The following ORAI3 variants were observed in gnomAD, a reference collection of about 807,000 sequenced individuals.
ORAI3 encodes the protein protein orai-3.
ORAI3 carries 15 observed loss-of-function variants against 17.2 expected under a neutral mutation model. The observed-to-expected ratio is 0.87, with a 90% confidence interval of 0.58 to 1.34. ORAI3 has a LOEUF of 1.34. Ranked by LOEUF, ORAI3 falls within the 40% of genes most tolerant of loss-of-function variation. The pLI, the probability that ORAI3 is intolerant of heterozygous loss-of-function variation, is 0.00. For missense variants in ORAI3, 405 were observed against 396.7 expected (o/e 1.02, Z -0.18); for synonymous variants, 178 against 172.4 (o/e 1.03, Z -0.25).
chr16:30,952,739 C>T (rs755890414), intron 1 of ORAI3, among the ~76,000 whole-genome samples: 1 of 151,998 alleles, frequency 6.6e-6, no homozygotes, highest in Non-Finnish European at 1.5e-5. Flanking sequence ...GATCTCGGCT[C>T]ACTCAAACTT....
Position 30,949,353 on chromosome 16 carries a change from G to A in ORAI3, c.64G>A (p.Ala22Thr). Residue 22 changes from alanine to threonine, a missense_variant, in exon 1 of 2, where the codon GCA becomes ACA. Transcript: ENST00000318663. The part of the protein sequence containing the change: ...APLNPEGESP[A>T]GSATYREFVH... Reference sequence around the variant, plus strand: ...GCTGAACCCTGAGGGCGAGAGCCCTGCAGGCTCGGCCACGTACCGGGAGTT... The same window carrying A: ...GCTGAACCCTGAGGGCGAGAGCCCTACAGGCTCGGCCACGTACCGGGAGTT... 1.9e-6 allele frequency: 3 copies of A among 1,550,144 alleles called. No homozygotes were observed. The highest frequency in any genetic ancestry group is 2.6e-6 in the Non-Finnish European group (3 of 1,149,510).
intron 1 of ORAI3, among the ~76,000 whole-genome samples, chr16:30,952,845 T>C (rs2055930600): frequency 6.6e-6 from 1 of 152,062 alleles, no homozygotes; most frequent in Admixed American, 6.5e-5. Context: ...TTTGTACTTT[T>C]AGTAGAGACG....
At chr16:30,950,065 G>A (rs533807139) in intron 1 of ORAI3, among the ~76,000 whole-genome samples, 20 of 152,322 alleles carry the variant, frequency 1.3e-4, no homozygotes, top group African/African-American at 4.8e-4. Context: ...GAAGGAGGCT[G>A]ATGAGGAAAC....
At chr16:30,953,068 T>A (rs1032315480) in intron 1 of ORAI3, 117 bp from the exon 2 acceptor site, 21 of 936,976 alleles carry the variant, frequency 2.2e-5, no homozygotes, top group Middle Eastern at 6.7e-4. Flanking sequence ...CTCTGGTTTC[T>A]GCCAGGCACA....
chr16:30,950,380 C>G (rs1393238072), intron 1 of ORAI3, among the ~76,000 whole-genome samples: 1 of 152,230 alleles, frequency 6.6e-6, no homozygotes, highest in Non-Finnish European at 1.5e-5. Flanking sequence ...ATGGCTCAGA[C>G]TAGCCTGCTA....
rs1459741200 is a variant in ORAI3, at chr16:30,953,283, C to T, written c.327C>T (p.His109=). The change falls in exon 2 of 2, where the codon CAC becomes CAT. Residue 109 remains histidine (H), a synonymous_variant. Coordinates refer to ENST00000318663, the MANE Select transcript of ORAI3 (RefSeq NM_152288.3). Reference sequence around the variant, plus strand: ...GCACCACCGTGCTGGTGGCTGTGCACCTCTTTGCACTCATGGTCTCCACGT... The same window carrying T: ...GCACCACCGTGCTGGTGGCTGTGCATCTCTTTGCACTCATGGTCTCCACGT... ...SACTTVLVAV[H]LFALMVSTCL... The T allele has an allele frequency of 6.2e-7, 1 of 1,614,034 alleles. No individual in the cohort carries two copies. Among genetic ancestry groups the T allele is most frequent in the African/African-American group, 1.3e-5 (1 of 75,032 alleles).
At position 30,949,498 on chromosome 16, in the gene ORAI3, TGCTCTCGG is replaced by T. The variant is rs2143413950; in HGVS notation, c.213_220del (p.Ser72ArgfsTer13). ...AAAGCTTCCAGCCGCACGTCTGCCTTGCTCTCGGGCTTCGCCATGGTGAGGGGCCGGGA... is the reference window on the plus strand; with the variant it reads ...AAAGCTTCCAGCCGCACGTCTGCCTTGCTTCGCCATGGTGAGGGGCCGGGA... On this transcript the variant is annotated frameshift_variant, in exon 1 of 2. Transcript: ENST00000318663. LOFTEE classifies it high-confidence loss of function. The T allele has an allele frequency of 6.6e-7, 1 of 1,505,262 alleles. No individual in the cohort carries two copies. The highest frequency in any genetic ancestry group is 1.4e-5 in the African/African-American group (1 of 69,578). The allele number at this position is 1,505,262 out of a possible 1,614,324, so 93.2% of individuals were successfully genotyped here. A position where few individuals can be genotyped will look rare whatever the true frequency, so the allele number is the denominator to read the frequency against.
chr16:30,950,808 C>G (rs1277762160), intron 1 of ORAI3, among the ~76,000 whole-genome samples: 1 of 152,170 alleles, frequency 6.6e-6, no homozygotes, highest in Non-Finnish European at 1.5e-5. Flanking sequence ...GGGAAGGGAG[C>G]AGCCACCCAA....
chr16:30,949,236 C>A lies in ORAI3; in HGVS notation c.-54C>A. ...CGGGCTTGGGCCGGCCCGGCTGGGG[C>A]CCCCGAGGCGCTTCCGCCCCGTAGT... On this transcript the variant is annotated 5_prime_UTR_variant, in exon 1 of 2. Transcript: ENST00000318663. The A allele has an allele frequency of 1.6e-6, 2 of 1,269,532 alleles. No individual in the cohort carries two copies. Among genetic ancestry groups the A allele is most frequent in the Non-Finnish European group, 2.0e-6 (2 of 981,274 alleles). 78.6% of individuals were successfully genotyped at this position (1,269,532 alleles called of 1,614,324 possible).
intron 1 of ORAI3, 110 bp downstream of exon 1, chr16:30,949,627 T>G: frequency 7.6e-6 from 4 of 527,554 alleles, no homozygotes; most frequent in Non-Finnish European, 6.2e-6. Flanking sequence ...AAGGGGGCTT[T>G]CGTCAAAGGG....
Position 30,949,322 on chromosome 16 carries a change from G to C in ORAI3, c.33G>C (p.Gln11His), listed in dbSNP as rs1259834895. ...GCGGCGAGGGGGACGCGGGCGAGCA[G>C]GCCCCGCTGAACCCTGAGGGCGAGA... Reference protein sequence around the residue: MKGGEGDAGEQAPLNPEGESP... With the variant: MKGGEGDAGEHAPLNPEGESP... Residue 11 changes from glutamine to histidine, a missense_variant, in exon 1 of 2, where the codon CAG (glutamine) becomes CAC (histidine). Physicochemically the swap from Gln to His is conservative, Grantham distance 24. Transcript: ENST00000318663. The C allele has an allele frequency of 6.9e-7, 1 of 1,455,074 alleles. No homozygotes were observed. The highest frequency in any genetic ancestry group is 1.5e-5 in the African/African-American group (1 of 67,272). 90.1% of individuals were successfully genotyped at this position (1,455,074 alleles called of 1,614,324 possible). A position where few individuals can be genotyped will look rare whatever the true frequency, so the allele number is the denominator to read the frequency against.
rs1596663368 is a variant in ORAI3, at chr16:30,954,216, A to C, written c.*372A>C. On this transcript the variant is annotated 3_prime_UTR_variant, in exon 2 of 2. Coordinates refer to ENST00000318663, the MANE Select transcript of ORAI3 (RefSeq NM_152288.3). ...GGATGTGAAGGTCAGAAGGCAGCCA[A>C]TTGTTGGTTTAATTTTTTTTTTTTT... The C allele has an allele frequency of 3.0e-6, 2 of 660,070 alleles. No individual in the cohort carries two copies. Among genetic ancestry groups the C allele is most frequent in the Non-Finnish European group, 5.4e-6 (2 of 367,784 alleles). The allele number at this position is 660,070 out of a possible 1,614,324, so 40.9% of individuals were successfully genotyped here. A position where few individuals can be genotyped will look rare whatever the true frequency, so the allele number is the denominator to read the frequency against.
chr16:30,951,253 A>C (rs771351327), intron 1 of ORAI3, among the ~76,000 whole-genome samples: 3 of 152,216 alleles, frequency 2.0e-5, no homozygotes, highest in Non-Finnish European at 2.9e-5. Context: ...TTAGAATAGC[A>C]TTATACAAAT....
rs773401498 is a variant in ORAI3 at position 30,949,371 on chromosome 16, C to T, written c.82C>T (p.Arg28Trp). ...GAGCCCTGCAGGCTCGGCCACGTACCGGGAGTTCGTGCACCGCGGCTACCT... is the reference window on the plus strand; with the variant it reads ...GAGCCCTGCAGGCTCGGCCACGTACTGGGAGTTCGTGCACCGCGGCTACCT... ...GESPAGSATY[R>W]EFVHRGYLDL... is the part of the protein sequence containing the mutation. The change falls in exon 1 of 2, where the codon CGG (arginine) becomes TGG (tryptophan). Residue 28 changes from arginine to tryptophan, a missense_variant. By Grantham distance (101) the Arg-to-Trp change is moderately radical. Transcript: ENST00000318663. 1.3e-6 allele frequency: 2 copies of T among 1,572,290 alleles called. No individual in the cohort carries two copies. The highest frequency in any genetic ancestry group is 1.2e-5 in the South Asian group (1 of 86,268).
intron 1 of ORAI3, among the ~76,000 whole-genome samples, chr16:30,951,005 C>T (rs1277807982): frequency 6.6e-6 from 1 of 152,150 alleles, no homozygotes; most frequent in Non-Finnish European, 1.5e-5. Context: ...GTGACCGAGG[C>T]TGGGCCAGGC....
chr16:30,949,357 G>C lies in ORAI3; in HGVS notation c.68G>C (p.Gly23Ala). The change falls in exon 1 of 2, where the codon GGC becomes GCC. Residue 23 changes from glycine (G) to alanine (A), a missense_variant. Coordinates refer to ENST00000318663, the MANE Select transcript of ORAI3 (RefSeq NM_152288.3). ...AACCCTGAGGGCGAGAGCCCTGCAG[G>C]CTCGGCCACGTACCGGGAGTTCGTG... ...PLNPEGESPA[G>A]SATYREFVHR... 1 of 1,555,114 alleles carries C rather than the reference G, an allele frequency of 6.4e-7. No individual in the cohort carries two copies. The highest frequency in any genetic ancestry group is 8.7e-7 in the Non-Finnish European group (1 of 1,152,142).
At position 30,954,075 on chromosome 16, in the gene ORAI3, C is replaced by T. The variant is rs1440586206; in HGVS notation, c.*231C>T. ...CAGTCTGTCCCTTGGGTTTTGCAAG[C>T]TACTCTGCACCTGGGCTGGCCTCAG... On this transcript the variant is annotated 3_prime_UTR_variant, in exon 2 of 2. Coordinates refer to ENST00000318663, the MANE Select transcript of ORAI3 (RefSeq NM_152288.3). 1.4e-6 allele frequency: 1 copy of T among 705,106 alleles called. No individual in the cohort carries two copies. The highest frequency in any genetic ancestry group is 2.6e-6 in the Non-Finnish European group (1 of 387,400). The allele number at this position is 705,106 out of a possible 1,614,324, so 43.7% of individuals were successfully genotyped here. A position where few individuals can be genotyped will look rare whatever the true frequency, so the allele number is the denominator to read the frequency against.
rs1306760508 is a variant in ORAI3 at position 30,953,800 on chromosome 16, C to A, written c.844C>A (p.Leu282Ile). 1 of 1,613,262 alleles carries A rather than the reference C, an allele frequency of 6.2e-7. No homozygotes were observed. The highest frequency in any genetic ancestry group is 1.1e-5 in the South Asian group (1 of 91,040). ...CAAGACAGACCGCTACAAGCAGGAACTAGAGGAACTGAATCGCCTGCAGGG... is the reference window on the plus strand; with the variant it reads ...CAAGACAGACCGCTACAAGCAGGAAATAGAGGAACTGAATCGCCTGCAGGG... The part of the protein sequence containing the change: ...AHKTDRYKQE[L>I]EELNRLQGEL... The change falls in exon 2 of 2, where the codon CTA becomes ATA. Residue 282 changes from leucine (L) to isoleucine (I), a missense_variant. By Grantham distance (5) the Leu-to-Ile change is conservative. Transcript: ENST00000318663.
At chr16:30,952,826 C>T (rs895259147) in intron 1 of ORAI3, among the ~76,000 whole-genome samples, 3 of 151,992 alleles carry the variant, frequency 2.0e-5, no homozygotes, top group Non-Finnish European at 2.9e-5. Flanking sequence ...CCACGATGCC[C>T]GGCTAATTTT....
Sources: gnomAD v4.1 joint callset for allele counts (sites outside exome capture counted in the v4.1 genomes callset) on GRCh38, gnomAD v4.1.1 for gene constraint, MANE v1.5 for transcripts, NCBI Gene and HGNC (gene_info 2026-07-23, HGNC 2026-07-21) for gene names.